Variants in PARVG observed in about 807,000 individuals in gnomAD.
The protein encoded by PARVG is parvin gamma.
In PARVG, 36 loss-of-function variants were observed where a neutral mutation model predicts 44.4. The observed-to-expected ratio is 0.81, with a 90% CI of 0.62 to 1.07. The LOEUF is 1.07. Ranked by LOEUF, PARVG falls within the 50% of genes least tolerant of loss-of-function variation. The pLI is 0.00. For missense variants in PARVG, 407 were observed against 407.4 expected (o/e 1.00, Z 0.01); for synonymous variants, 170 against 174.1 (o/e 0.98, Z 0.19).
rs774084543 is a variant in PARVG at position 44,198,659 on chromosome 22, A to G, written c.750A>G (p.Gln250=). Residue 250 remains glutamine (Q), a synonymous_variant, in exon 12 of 14, where the codon CAA becomes CAG. Coordinates refer to ENST00000444313, the MANE Select transcript of PARVG (RefSeq NM_022141.7). ...DGVILLLLIG[Q]LEGFFLHLKE... Reference sequence around the variant, plus strand: ...TCATCTTACTCTTGCTGATTGGACAACTTGAAGGCTTCTTCCTGCACTTAA... The same window carrying G: ...TCATCTTACTCTTGCTGATTGGACAGCTTGAAGGCTTCTTCCTGCACTTAA... 79 of 1,613,828 alleles carry G rather than the reference A, an allele frequency of 4.9e-5. No homozygotes were observed. The highest frequency in any genetic ancestry group is 5.4e-5 in the Non-Finnish European group (64 of 1,179,870).
upstream of PARVG, among the ~76,000 whole-genome samples, chr22:44,176,603 C>T (rs375134384): frequency 6.6e-6 from 1 of 150,788 alleles, no homozygotes. Context: ...TTTTTTAATT[C>T]GTGCACTTAG....
At chr22:44,195,112 G>A (rs139144) in intron 9 of PARVG, among the ~76,000 whole-genome samples, 45,550 of 152,030 alleles carry the variant, frequency 0.3, 8,037 homozygotes, top group Non-Finnish European at 0.42. Flanking sequence ...TGAGGAAGGC[G>A]GAGTTTGGGG....
intron 4 of PARVG, 87 bp downstream of exon 4, chr22:44,185,959 T>C (rs561404193): frequency 3.0e-6 from 4 of 1,340,000 alleles, no homozygotes; most frequent in African/African-American, 2.9e-5. Context: ...CAGCAGGCTG[T>C]CCCCACTCCT....
intron 12 of PARVG, among the ~76,000 whole-genome samples, chr22:44,203,534 G>A (rs1469567900): frequency 6.6e-6 from 1 of 152,228 alleles, no homozygotes; most frequent in African/African-American, 2.4e-5. Context: ...CTCGCTGAAT[G>A]TATCAAAGGC....
At position 44,206,377 on chromosome 22, in the gene PARVG, A is replaced by G; in HGVS notation, c.947A>G (p.His316Arg). 1.2e-6 allele frequency: 2 copies of G among 1,614,014 alleles called. No homozygotes were observed. The highest frequency in any genetic ancestry group is 1.7e-6 in the Non-Finnish European group (2 of 1,179,990). ...LRVLYGLFCKHTQKAHRDRTP... is the reference protein window; with the variant it reads ...LRVLYGLFCKRTQKAHRDRTP... ...GTGCTCTATGGTCTGTTCTGCAAGC[A>G]CACGCAGAAGGCACACAGGGACAGG... Residue 316 changes from histidine (H) to arginine (R), a missense_variant, in exon 14 of 14, where the codon CAC (histidine) becomes CGC (arginine). Coordinates refer to ENST00000444313, the MANE Select transcript of PARVG (RefSeq NM_022141.7).
chr22:44,179,157 C>T (rs1317032984), upstream of PARVG, among the ~76,000 whole-genome samples: 2 of 151,382 alleles, frequency 1.3e-5, no homozygotes, highest in Non-Finnish European at 2.9e-5. This position sits in a 1 kb window ranked among gnomAD's most constrained non-coding sequence, Gnocchi z 4.2. Context: ...TAATTCCCTT[C>T]TATCCATGCC....
upstream of PARVG, among the ~76,000 whole-genome samples, chr22:44,178,119 C>T (rs1439471480): frequency 6.6e-6 from 1 of 152,150 alleles, no homozygotes; most frequent in East Asian, 1.9e-4. Context: ...ACTGTGAGTC[C>T]ATTAAACTGT....
At chr22:44,186,309 G>A (rs1049756540) in intron 4 of PARVG, 1 of 326,518 alleles carries the variant, frequency 3.1e-6, no homozygotes, top group Admixed American at 3.9e-5. Context: ...TGAGGTGGTG[G>A]TGGTGGGCCT....
At chr22:44,174,875 A>C (rs1041941223) in intron 1 of PARVG, among the ~76,000 whole-genome samples, 5 of 152,300 alleles carry the variant, frequency 3.3e-5, no homozygotes, top group African/African-American at 4.8e-5. Context: ...TCATCCCAGC[A>C]CTTTGGGAGA....
At chr22:44,176,064 GT>G (rs1300601100), upstream of PARVG, among the ~76,000 whole-genome samples, 4 of 152,200 alleles carry the variant, frequency 2.6e-5, no homozygotes. Context: ...TTGGAATGTA[GT>G]GCTAGATTTC....
At chr22:44,204,362 G>A (rs911220073) in intron 12 of PARVG, among the ~76,000 whole-genome samples, 12 of 152,198 alleles carry the variant, frequency 7.9e-5, no homozygotes, top group Admixed American at 5.2e-4. Flanking sequence ...CACATTGGAC[G>A]CACATGGCAG....
intron 9 of PARVG, among the ~76,000 whole-genome samples, chr22:44,194,963 C>G (rs909779185): frequency 6.6e-6 from 1 of 152,216 alleles, no homozygotes; most frequent in Non-Finnish European, 1.5e-5. Context: ...TCACCCATAT[C>G]CATCCATCCT....
At chr22:44,181,369 A>C (rs2054373647) in intron 1 of PARVG, 184 bp downstream of exon 1, 1 of 985,314 alleles carries the variant, frequency 1.0e-6, no homozygotes, top group African/African-American at 1.7e-5. Context: ...CCGAGAGTCC[A>C]GGTAGGAGTC....
intron 12 of PARVG, among the ~76,000 whole-genome samples, chr22:44,202,676 G>A (rs1287288281): frequency 2.6e-5 from 4 of 152,380 alleles, no homozygotes; most frequent in South Asian, 2.1e-4. Flanking sequence ...TGAAGAGGTC[G>A]TCAGCTGAGG....
At chr22:44,196,609 G>GGA (rs1555918168) in intron 11 of PARVG, among the ~76,000 whole-genome samples, 194 bp downstream of exon 11, 5 of 151,884 alleles carry the variant, frequency 3.3e-5, no homozygotes, top group Admixed American at 2.0e-4. Flanking sequence ...GGGATCCCGG[G>GGA]GGTGGAGGTG....
At chr22:44,181,521 C>T (rs544139748) in intron 1 of PARVG, 36 of 625,864 alleles carry the variant, frequency 5.8e-5, no homozygotes, top group Admixed American at 3.2e-4. Context: ...AGGCTCTGGC[C>T]TATGTAGCTG....
At chr22:44,205,628 C>G in intron 12 of PARVG, 129 bp from the exon 13 acceptor site, 1 of 1,082,540 alleles carries the variant, frequency 9.2e-7, no homozygotes. Flanking sequence ...TCAGGGATGC[C>G]CACCTTGGAT....
intron 1 of PARVG, chr22:44,181,421 G>A: frequency 1.0e-6 from 1 of 983,208 alleles, no homozygotes; most frequent in Non-Finnish European, 1.2e-6. Flanking sequence ...GGCCCGGGGC[G>A]GGGTGTGGAG....
chr22:44,192,090 G>A lies in PARVG; in HGVS notation c.546G>A (p.Gln182=). Residue 182 remains glutamine, a synonymous_variant, in exon 8 of 14, where the codon CAG becomes CAA. Coordinates refer to ENST00000444313, the MANE Select transcript of PARVG (RefSeq NM_022141.7). ...TGAAGTCAGAGAAGTTGGTGGAACAGCTCACTGAATACAGGTGAGGGAAGG... is the reference window on the plus strand; with the variant it reads ...TGAAGTCAGAGAAGTTGGTGGAACAACTCACTGAATACAGGTGAGGGAAGG... ...SGLKSEKLVE[Q]LTEYSTDKDE... The A allele has an allele frequency of 6.2e-7, 1 of 1,613,366 alleles. No homozygotes were observed. Among genetic ancestry groups the A allele is most frequent in the Non-Finnish European group, 8.5e-7 (1 of 1,179,916 alleles).
Sources: allele counts gnomAD v4.1 joint callset (sites outside exome capture counted in the v4.1 genomes callset), GRCh38; gene constraint gnomAD v4.1.1; non-coding constraint Gnocchi (gnomAD v3.1); transcripts MANE v1.5; gene names NCBI Gene and HGNC (gene_info 2026-07-23, HGNC 2026-07-21).